Variants in PCDHGA12 observed in about 807,000 individuals in gnomAD.
PCDHGA12 encodes the protein protocadherin gamma subfamily A, 12.
In PCDHGA12, 43 loss-of-function variants were observed where a neutral mutation model predicts 61.1. That is an observed-to-expected ratio of 0.70 (90% CI 0.55 to 0.91). The LOEUF (loss-of-function observed/expected upper bound fraction) is 0.91, where lower values mean the gene tolerates loss of function less well. Among genes scored for constraint, PCDHGA12 ranks in the 40% least tolerant of loss-of-function variants. The probability of loss-of-function intolerance (pLI) is 0.00; values close to 1 mark genes in which losing one functional copy is unlikely to be tolerated. For synonymous variants in PCDHGA12, 520 were observed against 542.9 expected (o/e 0.96, Z 0.59); for missense variants, 1,236 against 1,227.7 (o/e 1.01, Z -0.10).
At chr5:141,444,644 G>T (rs1300191764) in intron 1 of PCDHGA12, among the ~76,000 whole-genome samples, 1 of 151,892 alleles carries the variant, frequency 6.6e-6, no homozygotes, top group Non-Finnish European at 1.5e-5. Flanking sequence ...ATTGAGGTAG[G>T]GGTTGAAGTT....
At chr5:141,436,324 G>A (rs972756085) in intron 1 of PCDHGA12, among the ~76,000 whole-genome samples, 10 of 152,134 alleles carry the variant, frequency 6.6e-5, no homozygotes, top group African/African-American at 2.4e-4. Flanking sequence ...AAGACTGTTA[G>A]ACCATATCTC....
At chr5:141,502,767 C>T (rs970206343) in intron 2 of PCDHGA12, among the ~76,000 whole-genome samples, 1 of 151,756 alleles carries the variant, frequency 6.6e-6, no homozygotes, top group East Asian at 1.9e-4. Flanking sequence ...TGCTGGTATT[C>T]TTCTGAAAAT....
At chr5:141,447,947 A>G (rs2098555998) in intron 1 of PCDHGA12, among the ~76,000 whole-genome samples, 1 of 151,958 alleles carries the variant, frequency 6.6e-6, no homozygotes, top group South Asian at 2.1e-4. Flanking sequence ...TTAGCTGGGC[A>G]TGGTGGCGGA....
At chr5:141,481,963 TA>T (rs1158466251) in intron 1 of PCDHGA12, among the ~76,000 whole-genome samples, 1 of 148,746 alleles carries the variant, frequency 6.7e-6, no homozygotes, top group Non-Finnish European at 1.5e-5. Context: ...CAGGTGCCTG[TA>T]GTCACAGCTA....
At position 141,486,905 on chromosome 5, in the gene PCDHGA12, C is replaced by G. The variant is rs1463391292; in HGVS notation, c.2425-7902C>G. On this transcript the variant is annotated intron_variant, in intron 1 of 3. Coordinates refer to ENST00000252085, the MANE Select transcript of PCDHGA12 (RefSeq NM_003735.3). This position sits in a 1 kb window ranked among gnomAD's most constrained non-coding sequence, Gnocchi z 5.0. ...GGCCCGGCCTGGTTCCTTATGTCCC[C>G]AAGCACTGCCTCCATCAGTTGGTGC... 1 of 1,614,250 alleles carries G rather than the reference C, an allele frequency of 6.2e-7. No individual in the cohort carries two copies. The highest frequency in any genetic ancestry group is 1.3e-5 in the African/African-American group (1 of 75,066).
chr5:141,481,096 T>C (rs1162625304), intron 1 of PCDHGA12, among the ~76,000 whole-genome samples: 2 of 152,150 alleles, frequency 1.3e-5, no homozygotes, highest in East Asian at 1.9e-4. Flanking sequence ...AAAGCAGTAC[T>C]CTGGAACCTA....
Position 141,487,562 on chromosome 5 carries a change from G to C in PCDHGA12, c.2425-7245G>C. The stretch of plus-strand genomic sequence containing the variant: ...GAAGTCACCCAGTGCACCTATGGCA[G>C]GGGAGCCTGTTCGCCCAAGCTGCCC... On this transcript the variant is annotated intron_variant, in intron 1 of 3. Coordinates refer to ENST00000252085, the MANE Select transcript of PCDHGA12 (RefSeq NM_003735.3). The surrounding 1 kb of genome is among the most constrained non-coding windows in gnomAD (Gnocchi z 5.0). The C allele has an allele frequency of 6.2e-7, 1 of 1,614,178 alleles. No homozygotes were observed.
At chr5:141,464,327 C>G (rs893319708) in intron 1 of PCDHGA12, among the ~76,000 whole-genome samples, 15 of 150,890 alleles carry the variant, frequency 9.9e-5, no homozygotes, top group African/African-American at 3.7e-4. Flanking sequence ...TCTGTTCAAC[C>G]CATCTATGAC....
In PCDHGA12 at chr5:141,431,150, C is replaced by A. The variant is rs1007532359; in HGVS notation, c.391C>A (p.Pro131Thr). Residue 131 changes from proline (P) to threonine (T), a missense_variant, in exon 1 of 4, where the codon CCT (proline) becomes ACT (threonine). Physicochemically the swap from Pro to Thr is conservative, Grantham distance 38. Transcript: ENST00000252085. The surrounding 1 kb of genome is among the most constrained non-coding windows in gnomAD (Gnocchi z 4.8). ...AGTAAGGGACATTAACGACAATGCGCCTTACTTTCGTGAAAGTGAATTAGA... is the reference window on the plus strand; with the variant it reads ...AGTAAGGGACATTAACGACAATGCGACTTACTTTCGTGAAAGTGAATTAGA... ...VEVRDINDNA[P>T]YFRESELEIK... The A allele has an allele frequency of 1.2e-6, 2 of 1,614,226 alleles. No individual in the cohort carries two copies. The highest frequency in any genetic ancestry group is 1.7e-6 in the Non-Finnish European group (2 of 1,180,030).
rs1594951324 is a variant in PCDHGA12, at chr5:141,490,871, T to G, written c.2425-3936T>G. 6.2e-7 allele frequency: 1 copy of G among 1,613,918 alleles called. No individual in the cohort carries two copies. The highest frequency in any genetic ancestry group is 8.5e-7 in the Non-Finnish European group (1 of 1,179,944). On this transcript the variant is annotated intron_variant, in intron 1 of 3. Coordinates refer to ENST00000252085, the MANE Select transcript of PCDHGA12 (RefSeq NM_003735.3). This position sits in a 1 kb window ranked among gnomAD's most constrained non-coding sequence, Gnocchi z 5.4. ...GTTCGAGACTCCGGCTCTCCCCCAT[T>G]GCATGCCAACACATCTCTGCATGTG...
chr5:141,499,689 CTTTTTTTTT>C (rs545067566), intron 2 of PCDHGA12, among the ~76,000 whole-genome samples: 2 of 119,856 alleles, frequency 1.7e-5, no homozygotes, highest in African/African-American at 6.2e-5. Flanking sequence ...TAACAGATGA[CTTTTTTTTT>C]TTTTTTTTTT....
At chr5:141,470,957 TCCTCCCACCTCAG>T (rs2099244488) in intron 1 of PCDHGA12, among the ~76,000 whole-genome samples, 1 of 152,026 alleles carries the variant, frequency 6.6e-6, no homozygotes, top group South Asian at 2.1e-4. Flanking sequence ...CCTCAAGTGA[TCCTCCCACCTCAG>T]CCTCCCAAAG....
chr5:141,473,944 C>T (rs1279694347), intron 1 of PCDHGA12, among the ~76,000 whole-genome samples: 1 of 152,156 alleles, frequency 6.6e-6, no homozygotes, highest in Non-Finnish European at 1.5e-5. Context: ...TAGCTCAGGC[C>T]TGTAGTCCCA....
rs537619617 is a variant in PCDHGA12 at position 141,483,429 on chromosome 5, C to G, written c.2425-11378C>G. On this transcript the variant is annotated intron_variant, in intron 1 of 3. Coordinates refer to ENST00000252085, the MANE Select transcript of PCDHGA12 (RefSeq NM_003735.3). ...ACAGTGGCAGTACAGATGGAGGGAGCTGACTACAATAAAATCATCAGGACT... is the reference window on the plus strand; with the variant it reads ...ACAGTGGCAGTACAGATGGAGGGAGGTGACTACAATAAAATCATCAGGACT... Among the ~76,000 whole-genome samples the G allele has an allele frequency of 5.3e-5, 8 of 152,158 alleles. No individual in the cohort carries two copies. In the East Asian group the frequency reaches 1.5e-3, roughly 29 times the overall value.
chr5:141,486,706 C>T lies in PCDHGA12; in HGVS notation c.2425-8101C>T. 1.2e-6 allele frequency: 2 copies of T among 1,614,154 alleles called. No homozygotes were observed. Among genetic ancestry groups the T allele is most frequent in the Admixed American group, 1.7e-5 (1 of 60,020 alleles). On this transcript the variant is annotated intron_variant, in intron 1 of 3. Transcript: ENST00000252085. This position sits in a 1 kb window ranked among gnomAD's most constrained non-coding sequence, Gnocchi z 5.0. ...CAGCTTCCTCTTTCATCTCTCTGAACCCCCAGACAGGAGCTGTTCATGCTA... is the reference window on the plus strand; with the variant it reads ...CAGCTTCCTCTTTCATCTCTCTGAATCCCCAGACAGGAGCTGTTCATGCTA...
rs747722740 is a variant in PCDHGA12, at chr5:141,485,835, C to G, written c.2425-8972C>G. 3 of 1,614,190 alleles carry G rather than the reference C, an allele frequency of 1.9e-6. No homozygotes were observed. In the South Asian group the frequency reaches 3.3e-5, roughly 18 times the overall value. On this transcript the variant is annotated intron_variant, in intron 1 of 3. Transcript: ENST00000252085. This position sits in a 1 kb window ranked among gnomAD's most constrained non-coding sequence, Gnocchi z 5.7. ...ACTGCTGTCGATGGAGGGAACCCGC[C>G]GAGATCTGGCACCGCAGAGCTCCGG...
rs116140192 is a variant in PCDHGA12, at chr5:141,497,400, A to C, written c.2483+2535A>C. Among the ~76,000 whole-genome samples, 87 of 152,110 alleles carry C rather than the reference A, an allele frequency of 5.7e-4. 1 individual carries two copies. Among genetic ancestry groups the C allele is most frequent in the African/African-American group, 2.0e-3 (82 of 41,484 alleles). ...GGGGTGAGCACCTTACCCCTGCCTCAACTCCCATTCCATCAAATGAGAGGC... is the reference window on the plus strand; with the variant it reads ...GGGGTGAGCACCTTACCCCTGCCTCCACTCCCATTCCATCAAATGAGAGGC... On this transcript the variant is annotated intron_variant, in intron 2 of 3. Coordinates refer to ENST00000252085, the MANE Select transcript of PCDHGA12 (RefSeq NM_003735.3).
rs575250872 is a variant in PCDHGA12, at chr5:141,490,163, T to C, written c.2425-4644T>C. ...GGGGCAATCCATGTGTTGGGTCCCA[T>C]AGACTTTGAGGAGTCACGTTTCTAT... On this transcript the variant is annotated intron_variant, in intron 1 of 3. Transcript: ENST00000252085. This position sits in a 1 kb window ranked among gnomAD's most constrained non-coding sequence, Gnocchi z 5.4. 2 of 1,614,234 alleles carry C rather than the reference T, an allele frequency of 1.2e-6. No homozygotes were observed. The highest frequency in any genetic ancestry group is 2.2e-5 in the East Asian group (1 of 44,886).
rs70988802 is a variant in PCDHGA12 at position 141,450,006 on chromosome 5, C to CTATTTTTTTT, written c.2424+16824_2424+16825insATTTTTTTTT. ...CACATTGCATTTAGTTGCCATGTCTCTTTTTTTTTTTTTTTTTTGAGACAG... is the reference window on the plus strand; with the variant it reads ...CACATTGCATTTAGTTGCCATGTCTCTATTTTTTTTTTTTTTTTTTTTTTTTTTGAGACAG... On this transcript the variant is annotated intron_variant, in intron 1 of 3. Transcript: ENST00000252085. Among the ~76,000 whole-genome samples the CTATTTTTTTT allele has an allele frequency of 3.0e-5, 4 of 132,980 alleles. 1 individual carries two copies. The highest frequency in any genetic ancestry group is 5.6e-5 in the African/African-American group (2 of 35,572). 87.2% of individuals were successfully genotyped at this position (132,980 alleles called of 152,430 possible). A position where few individuals can be genotyped will look rare whatever the true frequency, so the allele number is the denominator to read the frequency against.
Sources: gnomAD v4.1 joint callset for allele counts (sites outside exome capture counted in the v4.1 genomes callset) on GRCh38, gnomAD v4.1.1 for gene constraint, Gnocchi (gnomAD v3.1) non-coding constraint, MANE v1.5 for transcripts, NCBI Gene and HGNC (gene_info 2026-07-23, HGNC 2026-07-21) for gene names.